The following DOP1B variants were observed in gnomAD, a reference collection of about 807,000 sequenced individuals.
DOP1B encodes protein DOP1B.
A neutral mutation model predicts 233.5 loss-of-function variants in DOP1B; 174 were observed. The observed-to-expected ratio is 0.75, with a 90% confidence interval of 0.66 to 0.85. The LOEUF is 0.85. Ranked by LOEUF, DOP1B falls within the 40% of genes least tolerant of loss-of-function variation. The pLI, the probability that DOP1B is intolerant of heterozygous loss-of-function variation, is 0.00. For synonymous variants in DOP1B, 1,190 were observed against 1,185.6 expected (o/e 1.00, Z -0.08); for missense variants, 2,652 against 2,846.6 (o/e 0.93, Z 1.56).
intron 20 of DOP1B, 100 bp downstream of exon 20, chr21:36,247,728 G>C (rs1450311861): frequency 1.3e-5 from 11 of 822,784 alleles, no homozygotes; most frequent in Non-Finnish European, 2.1e-5. Context: ...TGTAATGTCT[G>C]TAACTAATAT....
chr21:36,194,805 A>G (rs1327077794), intron 2 of DOP1B, among the ~76,000 whole-genome samples: 2 of 152,156 alleles, frequency 1.3e-5, no homozygotes, highest in African/African-American at 4.8e-5. Context: ...GCATTTTTAA[A>G]GAAGACAACT....
Position 36,290,342 on chromosome 21 carries a change from T to C in DOP1B, c.6515+1136T>C, listed in dbSNP as rs369999117. On this transcript the variant is annotated intron_variant, in intron 35 of 36. Transcript: ENST00000691173. ...GAGTTCGAGACCAGCCTGGCCAACA[T>C]GGCGAAACCCTGTCTCAACTAAAAA... Among the ~76,000 whole-genome samples, 30 of 152,148 alleles carry C rather than the reference T, an allele frequency of 2.0e-4. No homozygotes were observed. The East Asian group carries it at 5.0e-3, about 26-fold the overall frequency.
intron 27 of DOP1B, among the ~76,000 whole-genome samples, chr21:36,276,733 C>T (rs1182890638): frequency 2.0e-5 from 3 of 149,448 alleles, no homozygotes; most frequent in Admixed American, 6.8e-5. Flanking sequence ...CCCAGTTACT[C>T]GGGAAGATGA....
chr21:36,194,797 A>AT (rs1411783362), intron 2 of DOP1B, among the ~76,000 whole-genome samples: 1 of 152,032 alleles, frequency 6.6e-6, no homozygotes, highest in African/African-American at 2.4e-5. Context: ...TTCTTGCTGC[A>AT]TTTTTAAAGA....
chr21:36,210,772 A>G (rs1451915853), intron 5 of DOP1B, among the ~76,000 whole-genome samples: 2 of 152,212 alleles, frequency 1.3e-5, no homozygotes, highest in Non-Finnish European at 2.9e-5. Context: ...AGATCACACC[A>G]CTGCACTCCA....
At chr21:36,209,824 G>A (rs1005768886) in intron 5 of DOP1B, among the ~76,000 whole-genome samples, 1 of 152,168 alleles carries the variant, frequency 6.6e-6, no homozygotes, top group Admixed American at 6.5e-5. Flanking sequence ...CCACCTGGTG[G>A]TGTTCCCACA....
intron 2 of DOP1B, among the ~76,000 whole-genome samples, chr21:36,187,983 C>G (rs1267601952): frequency 1.3e-5 from 2 of 151,952 alleles, no homozygotes; most frequent in Non-Finnish European, 2.9e-5. Flanking sequence ...ACTCAAGCAG[C>G]ATGGTAATTT....
At chr21:36,184,107 G>A (rs2066135265) in intron 2 of DOP1B, among the ~76,000 whole-genome samples, 1 of 151,848 alleles carries the variant, frequency 6.6e-6, no homozygotes. Context: ...GGAGTGCAGT[G>A]GCGTGATCTT....
chr21:36,225,473 C>T (rs962066037), intron 11 of DOP1B, 92 bp from the exon 12 acceptor site: 43 of 1,381,740 alleles, frequency 3.1e-5, no homozygotes, highest in Non-Finnish European at 7.1e-6. Context: ...TCAGACAGTC[C>T]ACCCATCTCG....
chr21:36,292,227 G>A lies in DOP1B; in HGVS notation c.6639G>A (p.Lys2213=). Residue 2213 remains lysine (K), a synonymous_variant, in exon 36 of 37, where the codon AAG becomes AAA. Transcript: ENST00000691173. Reference sequence around the variant, plus strand: ...GGATTCTAGAACTTCTAAAATTAAAGTTTGGGGTAAGTGCTTTTCTTTTCT... The same window carrying A: ...GGATTCTAGAACTTCTAAAATTAAAATTTGGGGTAAGTGCTTTTCTTTTCT... The part of the protein sequence containing the change: ...TVRILELLKL[K]FGEISSSDEI... 6.3e-7 allele frequency: 1 copy of A among 1,577,444 alleles called. No individual in the cohort carries two copies. The highest frequency in any genetic ancestry group is 8.6e-7 in the Non-Finnish European group (1 of 1,166,778).
At chr21:36,186,374 G>A (rs955941302) in intron 2 of DOP1B, among the ~76,000 whole-genome samples, 3 of 152,124 alleles carry the variant, frequency 2.0e-5, no homozygotes, top group Non-Finnish European at 2.9e-5. Flanking sequence ...CAGTGTGTAT[G>A]TGTGGAGTGT....
In DOP1B at chr21:36,223,313, T is replaced by G. The variant is rs2066647670; in HGVS notation, c.1333T>G (p.Trp445Gly). 6.2e-7 allele frequency: 1 copy of G among 1,610,766 alleles called. No individual in the cohort carries two copies. The highest frequency in any genetic ancestry group is 8.5e-7 in the Non-Finnish European group (1 of 1,179,410). Residue 445 changes from tryptophan to glycine, a missense_variant, in exon 11 of 37, where the codon TGG (tryptophan) becomes GGG (glycine). Around this residue, in one of 3 missense-constraint regions of DOP1B, gnomAD observed 2,617 missense variants for 2,794.3 expected, o/e 0.94. Coordinates refer to ENST00000691173, the MANE Select transcript of DOP1B (RefSeq NM_001320714.2). ...LITSLSTDFL[W>G]DYMTRCFEEC... ...AACTTCTCTAAGCACAGACTTTCTC[T>G]GGGATTATATGACAAGGTGTTTTGA...
intron 3 of DOP1B, 44 bp from the exon 4 acceptor site, chr21:36,200,287 G>T: frequency 6.6e-7 from 1 of 1,521,598 alleles, no homozygotes. Context: ...ACTTCTGACT[G>T]GGTATCTTAT....
chr21:36,256,757 A>G (rs1010322745), intron 23 of DOP1B, among the ~76,000 whole-genome samples: 2 of 146,810 alleles, frequency 1.4e-5, no homozygotes, highest in Admixed American at 6.7e-5. Flanking sequence ...ACACAGTTCT[A>G]TATCTGGAAA....
rs980525046 is a variant in DOP1B, at chr21:36,230,209, C to T, written c.1666-241C>T. 2.0e-5 allele frequency among the ~76,000 whole-genome samples: 3 copies of T among 152,192 alleles called. No homozygotes were observed. In the East Asian group the frequency reaches 5.8e-4, roughly 29 times the overall value. On this transcript the variant is annotated intron_variant, in intron 13 of 36. Transcript: ENST00000691173. ...TAGACAAAAACACAAGAAAAATAGG[C>T]CCAAAAGCCAGCCTCCCCAGAGAGC...
chr21:36,254,577 T>G (rs2067070989), intron 23 of DOP1B, among the ~76,000 whole-genome samples: 1 of 152,168 alleles, frequency 6.6e-6, no homozygotes, highest in Non-Finnish European at 1.5e-5. Context: ...GACTCTGTCT[T>G]TCTTGATGAT....
intron 13 of DOP1B, among the ~76,000 whole-genome samples, chr21:36,228,533 G>A (rs1359374539): frequency 6.6e-6 from 1 of 151,992 alleles, no homozygotes; most frequent in Non-Finnish European, 1.5e-5. Flanking sequence ...TTGGGAGGCC[G>A]AGGCGGGCAG....
intron 27 of DOP1B, among the ~76,000 whole-genome samples, chr21:36,272,211 G>A (rs1429228499): frequency 6.6e-6 from 1 of 152,106 alleles, no homozygotes; most frequent in Non-Finnish European, 1.5e-5. Flanking sequence ...AGCAGGGCTG[G>A]GTGTAGTGGC....
At chr21:36,173,420 T>TTA (rs1274595415) in intron 2 of DOP1B, among the ~76,000 whole-genome samples, 1 of 118,786 alleles carries the variant, frequency 8.4e-6, no homozygotes, top group Non-Finnish European at 1.7e-5. Flanking sequence ...AGAGAATAGT[T>TTA]TATCTTTTTT....
Sources: allele counts gnomAD v4.1 joint callset (sites outside exome capture counted in the v4.1 genomes callset), GRCh38; gene constraint gnomAD v4.1.1; regional missense constraint gnomAD v4.1.1; transcripts MANE v1.5; gene names NCBI Gene and HGNC (gene_info 2026-07-23, HGNC 2026-07-21).